ESRRG: variants seen among roughly 807,000 people sequenced by gnomAD.
ESRRG encodes the protein estrogen related receptor gamma.
A neutral mutation model predicts 44.0 loss-of-function variants in ESRRG; 13 were observed. The ratio of observed to expected loss-of-function variants is 0.30; its 90% CI spans 0.19 to 0.47. The LOEUF is 0.47. Among genes scored for constraint, ESRRG ranks in the 20% least tolerant of loss-of-function variants. The probability of loss-of-function intolerance (pLI) is 1.00; values close to 1 mark genes in which losing one functional copy is unlikely to be tolerated. For missense variants in ESRRG, 395 were observed against 580.6 expected (o/e 0.68, Z 3.29); for synonymous variants, 215 against 214.6 (o/e 1.00, Z -0.02).
chr1:216,681,722 G>A (rs928174054), intron 1 of ESRRG, among the ~76,000 whole-genome samples: 1 of 152,104 alleles, frequency 6.6e-6, no homozygotes, highest in African/African-American at 2.4e-5. Context: ...ATTTAAAGAA[G>A]TAATTTTTGA....
chr1:216,824,283 C>T (rs575723310), intron 2 of ESRRG, among the ~76,000 whole-genome samples: 42 of 152,034 alleles, frequency 2.8e-4, no homozygotes, highest in African/African-American at 1.0e-3. Flanking sequence ...CCCATCTCTA[C>T]TAAAATACAG....
intron 1 of ESRRG, among the ~76,000 whole-genome samples, chr1:217,002,323 GA>G (rs10714133): frequency 0.28 from 32,935 of 116,820 alleles, 4,662 homozygotes; most frequent in East Asian, 0.51. Context: ...AAGAAAGAAA[GA>G]AAAAAAAAAA....
At chr1:216,720,901 G>C (rs2086119653) in intron 1 of ESRRG, among the ~76,000 whole-genome samples, 1 of 152,090 alleles carries the variant, frequency 6.6e-6, no homozygotes, top group African/African-American at 2.4e-5. Flanking sequence ...TCTTCCAACA[G>C]CTGTGACAAC....
chr1:216,853,698 A>G (rs2095874303), intron 2 of ESRRG, among the ~76,000 whole-genome samples: 1 of 152,152 alleles, frequency 6.6e-6, no homozygotes, highest in Non-Finnish European at 1.5e-5. Context: ...GCCATTCCTT[A>G]TTCCCCAAGT....
intron 1 of ESRRG, among the ~76,000 whole-genome samples, chr1:217,032,628 C>T (rs1041354959): frequency 3.9e-5 from 6 of 152,172 alleles, no homozygotes; most frequent in African/African-American, 7.2e-5. Flanking sequence ...ATATTCTGTA[C>T]ATATAAACCT....
intron 2 of ESRRG, among the ~76,000 whole-genome samples, chr1:216,765,641 C>A (rs1006741309): frequency 6.6e-6 from 1 of 151,988 alleles, no homozygotes; most frequent in Non-Finnish European, 1.5e-5. Context: ...GGTGAGCAAA[C>A]AAATAGAGGA....
At chr1:216,727,312 T>C (rs1471174094), upstream of ESRRG, among the ~76,000 whole-genome samples, 8 of 152,160 alleles carry the variant, frequency 5.3e-5, no homozygotes, top group Admixed American at 3.3e-4. Context: ...TAGTATAATA[T>C]ACCATCCTGC....
intron 2 of ESRRG, among the ~76,000 whole-genome samples, chr1:216,868,109 C>CA (rs1225187825): frequency 1.1e-5 from 1 of 88,598 alleles, no homozygotes; most frequent in Non-Finnish European, 2.1e-5. Context: ...TTTTTTGAGA[C>CA]AGAGTTTCAC....
At chr1:216,882,816 A>C (rs1430845702) in intron 2 of ESRRG, among the ~76,000 whole-genome samples, 1 of 152,170 alleles carries the variant, frequency 6.6e-6, no homozygotes, top group Non-Finnish European at 1.5e-5. Context: ...TTTAATGTCC[A>C]AGTTTATATA....
At chr1:216,963,285 T>C (rs1006148449) in intron 1 of ESRRG, among the ~76,000 whole-genome samples, 1 of 152,142 alleles carries the variant, frequency 6.6e-6, no homozygotes. Context: ...CACTGATTAC[T>C]AGGGAAGCGA....
intron 2 of ESRRG, among the ~76,000 whole-genome samples, chr1:216,774,011 T>C (rs2093489946): frequency 6.6e-6 from 1 of 152,158 alleles, no homozygotes; most frequent in South Asian, 2.1e-4. Context: ...CTGCATTTAC[T>C]CTTCATAACA....
intron 2 of ESRRG, among the ~76,000 whole-genome samples, chr1:216,873,066 C>T (rs2096280450): frequency 6.6e-6 from 1 of 152,118 alleles, no homozygotes; most frequent in Non-Finnish European, 1.5e-5. Flanking sequence ...TCAGATTTTT[C>T]CTGTGTGTGC....
Position 216,522,962 on chromosome 1 carries a change from A to G in ESRRG, c.863-3541T>C, listed in dbSNP as rs115244427. 8.5e-3 allele frequency among the ~76,000 whole-genome samples: 1,300 copies of G among 152,248 alleles called. 18 individuals are homozygous for G. Among genetic ancestry groups the G allele is most frequent in the African/African-American group, 0.027 (1,137 of 41,560 alleles). ...TCTTCATCATCTGTAATATTTAGCT[A>G]TCTTTGGAGAGAAACCTCTTTCCCA... On this transcript the variant is annotated intron_variant, in intron 5 of 6. Transcript: ENST00000408911.
At chr1:217,064,019 G>A (rs956009203) in intron 1 of ESRRG, among the ~76,000 whole-genome samples, 1 of 151,746 alleles carries the variant, frequency 6.6e-6, no homozygotes, top group South Asian at 2.1e-4. Flanking sequence ...ATAAATAGGT[G>A]TGTGTATATA....
At chr1:216,998,779 T>C (rs960327668) in intron 1 of ESRRG, among the ~76,000 whole-genome samples, 2 of 152,216 alleles carry the variant, frequency 1.3e-5, no homozygotes, top group Admixed American at 1.3e-4. Context: ...AAGAAGAATA[T>C]AAATGGATTT....
At chr1:216,707,332 T>C in intron 1 of ESRRG, 2 of 1,535,532 alleles carry the variant, frequency 1.3e-6, no homozygotes, top group African/African-American at 1.4e-5. Flanking sequence ...TGATCAAGTC[T>C]TCACAAAGAA....
intron 2 of ESRRG, among the ~76,000 whole-genome samples, chr1:216,783,247 C>T (rs1314836361): frequency 6.6e-6 from 1 of 151,982 alleles, no homozygotes; most frequent in African/African-American, 2.4e-5. Context: ...CTTAGAACAA[C>T]ACATTTACCA....
intron 2 of ESRRG, among the ~76,000 whole-genome samples, chr1:216,821,108 T>G (rs2095277112): frequency 6.6e-6 from 1 of 152,150 alleles, no homozygotes; most frequent in African/African-American, 2.4e-5. Flanking sequence ...TAAGAATACA[T>G]AGGGTTAGGC....
chr1:217,073,282 T>C (rs7543791), intron 1 of ESRRG, among the ~76,000 whole-genome samples: 1 of 149,306 alleles, frequency 6.7e-6, no homozygotes, highest in Non-Finnish European at 1.5e-5. Flanking sequence ...AACCCAACTG[T>C]AGGCAAAATC....
Sources: gnomAD v4.1 joint callset for allele counts (sites outside exome capture counted in the v4.1 genomes callset) on GRCh38, gnomAD v4.1.1 for gene constraint, MANE v1.5 for transcripts, NCBI Gene and HGNC (gene_info 2026-07-23, HGNC 2026-07-21) for gene names.